Variants in AADACL2 observed in about 807,000 individuals in gnomAD.
AADACL2 encodes arylacetamide deacetylase like 2, also known as arylacetamide deacetylase-like 2.
In AADACL2, 23 loss-of-function variants were observed where a neutral mutation model predicts 22.3. The ratio of observed to expected loss-of-function variants is 1.03; its 90% CI spans 0.74 to 1.46. AADACL2 has a LOEUF of 1.46. AADACL2 is among the 40% of genes most tolerant of loss of function. The pLI is 0.00. For synonymous variants in AADACL2, 177 were observed against 166.2 expected, an observed-to-expected ratio of 1.07 and a Z score of -0.50; for missense variants, 472 against 482.9, an observed-to-expected ratio of 0.98 and a Z score of 0.21.
At chr3:151,740,459 G>A (rs1024322133) in intron 1 of AADACL2, among the ~76,000 whole-genome samples, 187 bp from the exon 2 acceptor site, 3 of 152,164 alleles carry the variant, frequency 2.0e-5, no homozygotes, top group African/African-American at 7.2e-5. Flanking sequence ...AGATATTTGA[G>A]ATTTTCAAGG....
Position 151,757,251 on chromosome 3 carries a change from C to T in AADACL2, c.863C>T (p.Pro288Leu), listed in dbSNP as rs1461637323. The change falls in exon 5 of 5, where the codon CCT becomes CTT. Residue 288 changes from proline to leucine, a missense_variant. Physicochemically the swap from Pro to Leu is moderately conservative, Grantham distance 98. This residue lies in a region of AADACL2 where 356 missense variants were observed against 365.5 expected (regional missense o/e 0.97). Coordinates refer to ENST00000356517, the MANE Select transcript of AADACL2 (RefSeq NM_207365.4). ...FKFVNWSILL[P>L]EKYRKDYVYT... ...TTTGTTAACTGGAGTATTCTTCTTC[C>T]TGAGAAGTATAGAAAAGACTATGTA... The T allele has an allele frequency of 1.2e-6, 2 of 1,613,690 alleles. No homozygotes were observed. The highest frequency in any genetic ancestry group is 2.2e-5 in the South Asian group (2 of 91,056).
chr3:151,748,319 A>T (rs1713528404), intron 4 of AADACL2, among the ~76,000 whole-genome samples: 1 of 152,144 alleles, frequency 6.6e-6, no homozygotes, highest in Non-Finnish European at 1.5e-5. Flanking sequence ...GTCCAATTTC[A>T]TTCTTCTGCA....
chr3:151,757,270 CTATG>C lies in AADACL2; in HGVS notation c.886_889del (p.Val296IlefsTer36). The C allele has an allele frequency of 1.9e-6, 3 of 1,613,714 alleles. No homozygotes were observed. Among genetic ancestry groups the C allele is most frequent in the Non-Finnish European group, 2.5e-6 (3 of 1,179,706 alleles). ...TTCTTCCTGAGAAGTATAGAAAAGACTATGTATATACTGAACCAATTCTTGGAGG... is the reference window on the plus strand; with the variant it reads ...TTCTTCCTGAGAAGTATAGAAAAGACTATATACTGAACCAATTCTTGGAGG... On this transcript the variant is annotated frameshift_variant, in exon 5 of 5. Coordinates refer to ENST00000356517, the MANE Select transcript of AADACL2 (RefSeq NM_207365.4). LOFTEE classifies it low-confidence loss of function (END_TRUNC).
At chr3:151,751,802 C>T (rs758657779) in intron 4 of AADACL2, among the ~76,000 whole-genome samples, 12 of 152,174 alleles carry the variant, frequency 7.9e-5, no homozygotes, top group South Asian at 2.1e-4. Context: ...TACTTAATAA[C>T]ACAGGCACCA....
intron 2 of AADACL2, among the ~76,000 whole-genome samples, chr3:151,743,298 C>G (rs1047558932): frequency 3.9e-5 from 6 of 152,138 alleles, no homozygotes; most frequent in African/African-American, 1.4e-4. Context: ...AATTTGATCA[C>G]AACTCTAGAA....
chr3:151,742,582 T>C (rs62274237), intron 2 of AADACL2, among the ~76,000 whole-genome samples: 48,604 of 151,740 alleles, frequency 0.32, 8,058 homozygotes, highest in East Asian at 0.55. Context: ...ATGAAACGGA[T>C]TTCTTGTGGC....
chr3:151,747,511 G>T (rs577602566), intron 4 of AADACL2, among the ~76,000 whole-genome samples: 1 of 152,074 alleles, frequency 6.6e-6, no homozygotes, highest in African/African-American at 2.4e-5. Flanking sequence ...TGCAATATTT[G>T]TCTGACTTAT....
At chr3:151,753,009 A>ATTT in intron 4 of AADACL2, among the ~76,000 whole-genome samples, 1 of 152,318 alleles carries the variant, frequency 6.6e-6, no homozygotes, top group South Asian at 2.1e-4. Flanking sequence ...AACTCTTTAA[A>ATTT]AACAGTTTAA....
In AADACL2 at chr3:151,757,728, C is replaced by T. The variant is rs1208693267; in HGVS notation, c.*134C>T. 16 of 1,131,826 alleles carry T rather than the reference C, an allele frequency of 1.4e-5. No homozygotes were observed. In the Admixed American group the frequency reaches 4.1e-4, roughly 29 times the overall value. 70.1% of individuals were successfully genotyped at this position (1,131,826 alleles called of 1,614,324 possible). On this transcript the variant is annotated 3_prime_UTR_variant, in exon 5 of 5. Coordinates refer to ENST00000356517, the MANE Select transcript of AADACL2 (RefSeq NM_207365.4). ...AACATTTGTAGCAGTTAATGTGTGT[C>T]CTTGAAGAGTTATTAAATTTTCTGA...
intron 1 of AADACL2, among the ~76,000 whole-genome samples, chr3:151,734,765 T>G (rs2107978879): frequency 6.6e-6 from 1 of 152,340 alleles, no homozygotes; most frequent in Middle Eastern, 3.4e-3. Context: ...AGGCTTTGTA[T>G]AATATGTACT....
intron 2 of AADACL2, among the ~76,000 whole-genome samples, chr3:151,742,696 A>T (rs1713318753): frequency 6.6e-6 from 1 of 152,132 alleles, no homozygotes; most frequent in Admixed American, 6.5e-5. Context: ...AGCTCCAAAC[A>T]TCCTGTTTGC....
chr3:151,736,291 C>T (rs1576609790), intron 1 of AADACL2, among the ~76,000 whole-genome samples: 2 of 139,108 alleles, frequency 1.4e-5, no homozygotes, highest in African/African-American at 5.4e-5. Flanking sequence ...TTTTTATATA[C>T]AAGGATTTAT....
At chr3:151,734,297 G>A in intron 1 of AADACL2, 124 bp downstream of exon 1, 1 of 1,106,732 alleles carries the variant, frequency 9.0e-7, no homozygotes. Flanking sequence ...TTGCTTGTTT[G>A]AGTAAATTAA....
In AADACL2 at chr3:151,759,660, A is replaced by G. The variant is rs562558578; in HGVS notation, c.*2066A>G. 6.6e-6 allele frequency: 1 copy of G among 152,338 alleles called. No homozygotes were observed. The highest frequency in any genetic ancestry group is 2.4e-5 in the African/African-American group (1 of 41,578). The allele number at this position is 152,338 out of a possible 1,614,324, so 9.4% of individuals were successfully genotyped here. On this transcript the variant is annotated 3_prime_UTR_variant, in exon 5 of 5. Transcript: ENST00000356517. ...AAATGTATGCTAAGGTAGGCCAGTC[A>G]ATCCTTTTTTATTTATTTTGTAAAT...
At chr3:151,736,829 G>A (rs901733833) in intron 1 of AADACL2, among the ~76,000 whole-genome samples, 1 of 151,956 alleles carries the variant, frequency 6.6e-6, no homozygotes, top group African/African-American at 2.4e-5. Flanking sequence ...TAATCCTTTG[G>A]GTATATACCC....
intron 4 of AADACL2, among the ~76,000 whole-genome samples, chr3:151,756,399 C>T (rs1344151012): frequency 4.6e-5 from 7 of 151,976 alleles, no homozygotes; most frequent in African/African-American, 1.2e-4. Flanking sequence ...TGTTGATTGG[C>T]CTTTTTTTTC....
intron 1 of AADACL2, among the ~76,000 whole-genome samples, chr3:151,739,393 T>C (rs1713200387): frequency 6.6e-6 from 1 of 152,184 alleles, no homozygotes; most frequent in South Asian, 2.1e-4. Context: ...GGGCACCAGC[T>C]TGATGCCAGC....
chr3:151,760,695 T>C lies in AADACL2; in HGVS notation c.*3101T>C, dbSNP rs1714113398. The C allele has an allele frequency of 6.6e-6, 1 of 152,256 alleles. No individual in the cohort carries two copies. The highest frequency in any genetic ancestry group is 1.5e-5 in the Non-Finnish European group (1 of 68,040). 9.4% of individuals were successfully genotyped at this position (152,256 alleles called of 1,614,324 possible). The stretch of plus-strand genomic sequence containing the variant: ...TGCTGAAATATCCATTCCAGCATTG[T>C]GTTTGTTTGCTAGAGCTGCTATAAC... On this transcript the variant is annotated 3_prime_UTR_variant, in exon 5 of 5. Coordinates refer to ENST00000356517, the MANE Select transcript of AADACL2 (RefSeq NM_207365.4).
Position 151,745,584 on chromosome 3 carries a change from G to A in AADACL2, c.507G>A (p.Leu169=). ...DGLAAVKFFL[L]EKILTKYGVD... ...TTGCTGCAGTCAAATTTTTTCTTTT[G>A]GAAAAAATTCTTACAAAATATGGAG... is the stretch of plus-strand genomic sequence containing the variant. Residue 169 remains leucine, a synonymous_variant, in exon 4 of 5, where the codon TTG becomes TTA. Transcript: ENST00000356517. The A allele has an allele frequency of 1.2e-6, 2 of 1,613,386 alleles. No homozygotes were observed. Among genetic ancestry groups the A allele is most frequent in the South Asian group, 1.1e-5 (1 of 90,948 alleles).
Sources: allele counts gnomAD v4.1 joint callset (sites outside exome capture counted in the v4.1 genomes callset), GRCh38; gene constraint gnomAD v4.1.1; regional missense constraint gnomAD v4.1.1; transcripts MANE v1.5; gene names NCBI Gene and HGNC (gene_info 2026-07-23, HGNC 2026-07-21).